The following LRP2 variants were observed in gnomAD, a reference collection of about 807,000 sequenced individuals.
LRP2 encodes low-density lipoprotein receptor-related protein 2.
Under a neutral mutation model 531.0 loss-of-function variants are expected in LRP2, and 172 were observed. The ratio of observed to expected loss-of-function variants is 0.32; its 90% CI spans 0.29 to 0.37. LRP2 has a LOEUF of 0.37. LRP2 is among the 10% of genes least tolerant of loss of function. The pLI is 1.00. For synonymous variants in LRP2, 1,992 were observed against 2,027.6 expected (o/e 0.98, Z 0.47); for missense variants, 5,167 against 5,868.3 (o/e 0.88, Z 3.90).
At chr2:169,355,018 C>T (rs1685951852) in intron 1 of LRP2, among the ~76,000 whole-genome samples, 1 of 152,152 alleles carries the variant, frequency 6.6e-6, no homozygotes, top group Non-Finnish European at 1.5e-5. Context: ...GCCTAAGATT[C>T]ACAGAAAAAT....
chr2:169,198,646 ACTG>A, intron 45 of LRP2, 137 bp downstream of exon 45: 1 of 938,746 alleles, frequency 1.1e-6, no homozygotes, highest in Non-Finnish European at 1.7e-6. Flanking sequence ...TATGAAAGCA[ACTG>A]CCTACCACCT....
rs777554681 is a variant in LRP2, at chr2:169,172,100, G to C, written c.11178C>G (p.Arg3726=). Residue 3726 remains arginine, a synonymous_variant, in exon 58 of 79, where the codon CGC becomes CGG. Coordinates refer to ENST00000649046, the MANE Select transcript of LRP2 (RefSeq NM_004525.3). ...GAGGGATGCAGTGGTGATTTTTACAGCGGAAATCCCCCACAGGATGGCATG... is the reference window on the plus strand; with the variant it reads ...GAGGGATGCAGTGGTGATTTTTACACCGGAAATCCCCCACAGGATGGCATG... ...ERTCHPVGDF[R]CKNHHCIPLR... The C allele has an allele frequency of 1.2e-6, 2 of 1,614,178 alleles. No homozygotes were observed. The highest frequency in any genetic ancestry group is 3.3e-5 in the Admixed American group (2 of 60,028).
rs771931470 is a variant in LRP2, at chr2:169,316,305, C to T, written c.310+2457G>A. ...TCAAGAATAACCTCCAAGTTTCTAG[C>T]GTGGGTGCCTAGGGGATTGTGATAG... On this transcript the variant is annotated intron_variant, in intron 3 of 78. Coordinates refer to ENST00000649046, the MANE Select transcript of LRP2 (RefSeq NM_004525.3). Among the ~76,000 whole-genome samples, 4 of 152,078 alleles carry T rather than the reference C, an allele frequency of 2.6e-5. No individual in the cohort carries two copies. In the East Asian group the frequency reaches 5.8e-4, roughly 22 times the overall value.
At chr2:169,333,737 T>C (rs1685328028) in intron 1 of LRP2, among the ~76,000 whole-genome samples, 1 of 152,156 alleles carries the variant, frequency 6.6e-6, no homozygotes, top group Non-Finnish European at 1.5e-5. Flanking sequence ...AAATTTCCTG[T>C]GTCTCCCCTA....
chr2:169,140,745 G>T (rs1005595536), intron 71 of LRP2, among the ~76,000 whole-genome samples, 200 bp from the exon 72 acceptor site: 1 of 152,110 alleles, frequency 6.6e-6, no homozygotes, highest in South Asian at 2.1e-4. Context: ...GAAAGAAAGG[G>T]GGCAGTTTAT....
chr2:169,245,806 G>A (rs1444991628), intron 21 of LRP2, among the ~76,000 whole-genome samples: 1 of 152,156 alleles, frequency 6.6e-6, no homozygotes, highest in African/African-American at 2.4e-5. Flanking sequence ...GTTATTCTGT[G>A]ATACTATTCT....
Position 169,206,126 on chromosome 2 carries a change from A to G in LRP2, c.7453T>C (p.Tyr2485His), listed in dbSNP as rs1450708186. The change falls in exon 40 of 79, where the codon TAC (tyrosine) becomes CAC (histidine). Residue 2485 changes from tyrosine to histidine, a missense_variant. Physicochemically the swap from Tyr to His is moderately conservative, Grantham distance 83. This residue lies in a region of LRP2 where 1,129 missense variants were observed against 1,362.7 expected (regional missense o/e 0.83). Transcript: ENST00000649046. ...WITRRIYYSD[Y>H]LNQMINSMAE... The stretch of plus-strand genomic sequence containing the variant: ...ATGGAATTAATCATCTGGTTGAGGT[A>G]GTCACTGTAATAAATTCTTCTAGTA... 1 of 1,614,200 alleles carries G rather than the reference A, an allele frequency of 6.2e-7. No individual in the cohort carries two copies. The highest frequency in any genetic ancestry group is 8.5e-7 in the Non-Finnish European group (1 of 1,180,014).
At chr2:169,220,699 C>A in intron 33 of LRP2, 136 bp from the exon 34 acceptor site, 1 of 686,252 alleles carries the variant, frequency 1.5e-6, no homozygotes. Flanking sequence ...GCATGAGATT[C>A]AGATAATCTA....
Position 169,156,431 on chromosome 2 carries a change from G to A in LRP2, c.12020-26C>T, listed in dbSNP as rs756624425. On this transcript the variant is annotated intron_variant, in intron 64 of 78. Coordinates refer to ENST00000649046, the MANE Select transcript of LRP2 (RefSeq NM_004525.3). ...CTGTAGGCAAAATAAAACCAAATACGCAACATCTGTTCCCATCCATTCCTT... is the reference window on the plus strand; with the variant it reads ...CTGTAGGCAAAATAAAACCAAATACACAACATCTGTTCCCATCCATTCCTT... 27 of 1,612,522 alleles carry A rather than the reference G, an allele frequency of 1.7e-5. No individual in the cohort carries two copies. In the East Asian group the frequency reaches 2.9e-4, roughly 17 times the overall value.
chr2:169,135,627 C>T (rs2105332107), intron 76 of LRP2, among the ~76,000 whole-genome samples: 1 of 152,318 alleles, frequency 6.6e-6, no homozygotes, highest in East Asian at 1.9e-4. Flanking sequence ...AAACACACCT[C>T]ACCAAGCTCA....
chr2:169,353,762 G>C (rs544707837), intron 1 of LRP2, among the ~76,000 whole-genome samples: 10 of 152,280 alleles, frequency 6.6e-5, no homozygotes, highest in African/African-American at 2.2e-4. Context: ...AAGCTGAGGC[G>C]GGAGGATCAC....
intron 61 of LRP2, among the ~76,000 whole-genome samples, chr2:169,166,453 C>T (rs1237586876): frequency 6.6e-6 from 1 of 152,122 alleles, no homozygotes; most frequent in Admixed American, 6.5e-5. Context: ...TGAATAAAGG[C>T]CTCGGTGGCT....
At chr2:169,258,044 C>T (rs1690387910) in intron 17 of LRP2, among the ~76,000 whole-genome samples, 3 of 152,092 alleles carry the variant, frequency 2.0e-5, no homozygotes, top group South Asian at 4.1e-4. Context: ...CATTAAAAAA[C>T]TAAACTGTTT....
At chr2:169,130,908 A>G (rs949073419) in intron 77 of LRP2, among the ~76,000 whole-genome samples, 4 of 152,234 alleles carry the variant, frequency 2.6e-5, no homozygotes, top group Non-Finnish European at 5.9e-5. Context: ...GTCAGTTTAC[A>G]TTTTGTTTCT....
Position 169,213,722 on chromosome 2 carries a change from G to A in LRP2, c.5975C>T (p.Ala1992Val). The change falls in exon 36 of 79, where the codon GCC becomes GTC. Residue 1992 changes from alanine to valine, a missense_variant. Coordinates refer to ENST00000649046, the MANE Select transcript of LRP2 (RefSeq NM_004525.3). ...ATTATCTCTCAAGACTATTTTGTTG[G>A]CCCCAGTGGCCTTATCAACTCTTTC... ...VIERVDKATG[A>V]NKIVLRDNVP... 1.2e-6 allele frequency: 2 copies of A among 1,613,756 alleles called. No homozygotes were observed. The highest frequency in any genetic ancestry group is 1.7e-6 in the Non-Finnish European group (2 of 1,179,818).
intron 57 of LRP2, among the ~76,000 whole-genome samples, 163 bp from the exon 58 acceptor site, chr2:169,172,297 A>G (rs1687035804): frequency 6.6e-6 from 1 of 152,210 alleles, no homozygotes; most frequent in South Asian, 2.1e-4. Flanking sequence ...TCCCTCTTTT[A>G]GCTACCCTGA....
At chr2:169,348,426 C>T (rs879894281) in intron 1 of LRP2, among the ~76,000 whole-genome samples, 1 of 152,120 alleles carries the variant, frequency 6.6e-6, no homozygotes, top group Non-Finnish European at 1.5e-5. Context: ...GGAACAAGAC[C>T]CATGAATGTC....
chr2:169,284,831 C>A (rs113953461), intron 9 of LRP2, among the ~76,000 whole-genome samples: 1 of 152,122 alleles, frequency 6.6e-6, no homozygotes, highest in African/African-American at 2.4e-5. Context: ...CTCCCTCAAA[C>A]CCCCAGAATG....
chr2:169,285,696 C>A (rs767574629), intron 9 of LRP2, among the ~76,000 whole-genome samples: 1 of 152,170 alleles, frequency 6.6e-6, no homozygotes, highest in Non-Finnish European at 1.5e-5. Flanking sequence ...CCTCACTCTG[C>A]ACCACGATGT....
Sources: allele counts gnomAD v4.1 joint callset (sites outside exome capture counted in the v4.1 genomes callset), GRCh38; gene constraint gnomAD v4.1.1; regional missense constraint gnomAD v4.1.1; transcripts MANE v1.5; gene names NCBI Gene and HGNC (gene_info 2026-07-23, HGNC 2026-07-21).